FER: variants seen among roughly 807,000 people sequenced by gnomAD.
The protein encoded by FER is tyrosine-protein kinase Fer.
Under a neutral mutation model 111.0 loss-of-function variants are expected in FER, and 63 were observed. That is an observed-to-expected ratio of 0.57 (90% CI 0.46 to 0.70). The LOEUF is 0.70. FER is among the 30% of genes least tolerant of loss of function. The pLI is 0.00. For synonymous variants in FER, 327 were observed against 313.9 expected (o/e 1.04, Z -0.44); for missense variants, 914 against 954.0 (o/e 0.96, Z 0.55).
intron 17 of FER, among the ~76,000 whole-genome samples, chr5:109,173,111 A>G (rs1757314707): frequency 6.6e-6 from 1 of 152,218 alleles, no homozygotes; most frequent in Non-Finnish European, 1.5e-5. Flanking sequence ...TGCACTTGTA[A>G]ATGTCCAACC....
intron 3 of FER, among the ~76,000 whole-genome samples, chr5:108,822,828 C>T (rs1054540096): frequency 1.7e-4 from 25 of 150,000 alleles, no homozygotes; most frequent in African/African-American, 5.2e-4. Context: ...CTCGTTCTGT[C>T]GCCTAGGCTG....
intron 17 of FER, among the ~76,000 whole-genome samples, chr5:109,102,599 G>A (rs1748378050): frequency 1.3e-5 from 2 of 152,082 alleles, no homozygotes; most frequent in Admixed American, 1.3e-4. Flanking sequence ...ATTTAAAAAT[G>A]TTTGTTATGA....
chr5:108,812,248 TA>T (rs1218439450), intron 3 of FER, among the ~76,000 whole-genome samples: 1 of 152,226 alleles, frequency 6.6e-6, no homozygotes, highest in Admixed American at 6.5e-5. Flanking sequence ...TCTTGACAAA[TA>T]AATTAACTTG....
intron 3 of FER, among the ~76,000 whole-genome samples, chr5:108,808,803 C>T (rs1009487528): frequency 3.9e-5 from 6 of 152,116 alleles, no homozygotes; most frequent in African/African-American, 1.2e-4. Flanking sequence ...TCTGTTAGCA[C>T]TTGCTTGTCC....
intron 14 of FER, among the ~76,000 whole-genome samples, chr5:109,043,150 G>A (rs1420240355): frequency 6.6e-6 from 1 of 152,050 alleles, no homozygotes. Context: ...TCTAGTAACC[G>A]AAAAAAGTAA....
chr5:108,863,949 T>C (rs943976117), intron 5 of FER, among the ~76,000 whole-genome samples: 1 of 152,218 alleles, frequency 6.6e-6, no homozygotes, highest in African/African-American at 2.4e-5. Context: ...ACTAAATTAA[T>C]GTACTTGCTT....
At chr5:109,117,852 T>A (rs917168987) in intron 17 of FER, among the ~76,000 whole-genome samples, 2 of 151,974 alleles carry the variant, frequency 1.3e-5, no homozygotes, top group Non-Finnish European at 2.9e-5. Context: ...TTTTGCACAT[T>A]GATTTTGTAT....
intron 13 of FER, among the ~76,000 whole-genome samples, chr5:109,000,511 G>C (rs1295675475): frequency 6.6e-6 from 1 of 151,974 alleles, no homozygotes; most frequent in Admixed American, 6.6e-5. Context: ...GCAGGGTGTA[G>C]AGGGAAATTT....
chr5:108,870,912 T>C (rs1422320228), intron 6 of FER, among the ~76,000 whole-genome samples: 3 of 151,888 alleles, frequency 2.0e-5, no homozygotes, highest in East Asian at 1.9e-4. Flanking sequence ...CAACTAAGTA[T>C]ACAAAAAAGA....
intron 13 of FER, among the ~76,000 whole-genome samples, chr5:109,002,992 T>C (rs1010690698): frequency 2.6e-5 from 4 of 152,002 alleles, no homozygotes; most frequent in African/African-American, 7.3e-5. Context: ...TGTGGAGAAA[T>C]AGGAACACTT....
chr5:109,155,632 T>C (rs1755285778), intron 17 of FER, among the ~76,000 whole-genome samples: 1 of 152,012 alleles, frequency 6.6e-6, no homozygotes, highest in African/African-American at 2.4e-5. Flanking sequence ...CACTAAAGTC[T>C]ACAAATATTG....
At chr5:109,012,912 A>G (rs1351521885) in intron 13 of FER, among the ~76,000 whole-genome samples, 2 of 152,164 alleles carry the variant, frequency 1.3e-5, no homozygotes, top group African/African-American at 4.8e-5. Flanking sequence ...TGACAAAAGC[A>G]AGGGACATTG....
intron 13 of FER, among the ~76,000 whole-genome samples, chr5:109,029,102 G>A (rs1032387988): frequency 2.0e-5 from 3 of 152,142 alleles, no homozygotes; most frequent in African/African-American, 7.2e-5. Context: ...AGAGTATAGA[G>A]ATAAGCAGAA....
chr5:109,051,872 C>T (rs1772881066), intron 16 of FER: 2 of 1,560,040 alleles, frequency 1.3e-6, no homozygotes, highest in Non-Finnish European at 1.8e-6. Flanking sequence ...AGGAAGCAGT[C>T]CACCTGATGT....
At chr5:109,050,180 G>A (rs946167185) in intron 16 of FER, among the ~76,000 whole-genome samples, 7 of 150,864 alleles carry the variant, frequency 4.6e-5, no homozygotes, top group Admixed American at 6.6e-5. Context: ...TTCAGTAATA[G>A]CATTACTGCT....
At chr5:108,749,630 A>C (rs1750230358) in intron 1 of FER, among the ~76,000 whole-genome samples, 1 of 151,478 alleles carries the variant, frequency 6.6e-6, no homozygotes, top group African/African-American at 2.4e-5. Flanking sequence ...TTTATCCCCC[A>C]CCTCATCTTT....
chr5:109,109,802 G>T (rs1219082885), intron 17 of FER, among the ~76,000 whole-genome samples: 1 of 152,092 alleles, frequency 6.6e-6, no homozygotes, highest in Admixed American at 6.6e-5. Flanking sequence ...CCTTACCATG[G>T]TCCCCAGAGT....
chr5:108,784,608 G>C (rs928929609), intron 2 of FER: 1 of 152,206 alleles, frequency 6.6e-6, no homozygotes, highest in Non-Finnish European at 1.5e-5. Flanking sequence ...GGTCTCACAG[G>C]CTTCAGAGCT....
intron 3 of FER, among the ~76,000 whole-genome samples, chr5:108,805,239 T>G (rs1757077481): frequency 6.6e-6 from 1 of 152,156 alleles, no homozygotes; most frequent in South Asian, 2.1e-4. Flanking sequence ...CAAGCTCTCT[T>G]TTGCCTGCCG....
Sources: gnomAD v4.1 joint callset for allele counts (sites outside exome capture counted in the v4.1 genomes callset) on GRCh38, gnomAD v4.1.1 for gene constraint, MANE v1.5 for transcripts, NCBI Gene and HGNC (gene_info 2026-07-23, HGNC 2026-07-21) for gene names.